AFF2: variants seen among roughly 807,000 people sequenced by gnomAD.
AFF2 encodes ALF transcription elongation factor 2.
A neutral mutation model predicts 76.9 loss-of-function variants in AFF2; 14 were observed. That is an observed-to-expected ratio of 0.18 (90% confidence interval 0.12 to 0.28). AFF2 has a LOEUF of 0.28. Ranked by LOEUF, AFF2 falls within the 10% of genes least tolerant of loss-of-function variation. AFF2 has a pLI of 1.00. For synonymous variants in AFF2, 398 were observed against 366.7 expected (o/e 1.09, Z -0.98); for missense variants, 868 against 1,001.1 (o/e 0.87, Z 1.79).
intron 3 of AFF2, among the ~76,000 whole-genome samples, chrX:148,734,877 T>A (rs1262795472): frequency 2.7e-5 from 3 of 112,007 alleles, no homozygotes; most frequent in African/African-American, 9.7e-5. Flanking sequence ...TGAAAGATCA[T>A]CTAGCATGTC....
chrX:148,602,823 GT>G (rs11446506), intron 1 of AFF2, among the ~76,000 whole-genome samples: 26 of 100,982 alleles, frequency 2.6e-4, no homozygotes, highest in Admixed American at 3.3e-4. Flanking sequence ...CACTTCAAAA[GT>G]TTTTTTTTTT....
intron 1 of AFF2, among the ~76,000 whole-genome samples, chrX:148,645,898 G>C (rs1170400757): frequency 9.0e-6 from 1 of 111,653 alleles, no homozygotes; most frequent in Non-Finnish European, 1.9e-5. Flanking sequence ...CTCTTAATGA[G>C]CACAGTATAT....
At chrX:148,659,300 GA>G (rs2054282719) in intron 2 of AFF2, among the ~76,000 whole-genome samples, 1 of 112,353 alleles carries the variant, frequency 8.9e-6, no homozygotes, top group Non-Finnish European at 1.9e-5. Context: ...AGGACAAGAT[GA>G]ACCTCTTTTA....
At chrX:148,765,144 C>G (rs1395472752) in intron 3 of AFF2, among the ~76,000 whole-genome samples, 1 of 112,229 alleles carries the variant, frequency 8.9e-6, no homozygotes, top group Non-Finnish European at 1.9e-5. Flanking sequence ...CCTCGACCTC[C>G]CAAAGTGCTG....
At chrX:148,987,961 T>C (rs1329563866) in intron 20 of AFF2, among the ~76,000 whole-genome samples, 1 of 111,876 alleles carries the variant, frequency 8.9e-6, no homozygotes, top group African/African-American at 3.3e-5. Context: ...TCAATATAAT[T>C]ATTAGCTCCA....
intron 3 of AFF2, among the ~76,000 whole-genome samples, chrX:148,697,216 G>A (rs995970259): frequency 6.2e-5 from 7 of 112,361 alleles, no homozygotes; most frequent in Non-Finnish European, 9.4e-5. Flanking sequence ...CAGTGAGTCT[G>A]TACTCAAAGG....
At chrX:148,557,674 G>T (rs781877848) in intron 1 of AFF2, among the ~76,000 whole-genome samples, 50 of 112,286 alleles carry the variant, frequency 4.5e-4, no homozygotes, top group African/African-American at 1.6e-3. Flanking sequence ...TTCTAACTTT[G>T]GGGGAGACAT....
chrX:148,500,876 G>T lies in AFF2; in HGVS notation c.-222G>T. ...AGCGGACCCGAGTGGGCGACCAGGC[G>T]CTTGCCCGCCCAGTGCCACTGCCGC... On this transcript the variant is annotated 5_prime_UTR_variant, in exon 1 of 21. Transcript: ENST00000370460. 1 of 357,457 alleles carries T rather than the reference G, an allele frequency of 2.8e-6. No individual in the cohort carries two copies. The highest frequency in any genetic ancestry group is 4.7e-6 in the Non-Finnish European group (1 of 213,955). The allele number at this position is 357,457 out of a possible 1,213,427, so 29.5% of individuals were successfully genotyped here. A position where few individuals can be genotyped will look rare whatever the true frequency, so the allele number is the denominator to read the frequency against.
At chrX:148,987,094 T>C (rs781914302) in intron 19 of AFF2, among the ~76,000 whole-genome samples, 36 of 110,830 alleles carry the variant, frequency 3.2e-4, no homozygotes, top group African/African-American at 1.1e-3. Context: ...TATGGGGTGG[T>C]AATAATCTCT....
At chrX:148,952,998 C>T (rs2071987896) in intron 9 of AFF2, among the ~76,000 whole-genome samples, 1 of 110,922 alleles carries the variant, frequency 9.0e-6, no homozygotes, top group Non-Finnish European at 1.9e-5. Flanking sequence ...AGCTGGGGGG[C>T]CAGGGTCCTA....
intron 3 of AFF2, among the ~76,000 whole-genome samples, chrX:148,740,288 T>A (rs2055335840): frequency 8.9e-6 from 1 of 112,200 alleles, no homozygotes; most frequent in South Asian, 3.7e-4. Flanking sequence ...ACACTGATTA[T>A]TCTTAGGTTC....
At chrX:148,535,935 C>T (rs782221855) in intron 1 of AFF2, among the ~76,000 whole-genome samples, 2 of 112,105 alleles carry the variant, frequency 1.8e-5, no homozygotes, top group African/African-American at 6.5e-5. Context: ...TAGAGTGCCC[C>T]CCTCATTCCC....
intron 3 of AFF2, among the ~76,000 whole-genome samples, chrX:148,696,030 TCTTTC>T (rs1316214231): frequency 8.9e-6 from 1 of 112,102 alleles, no homozygotes; most frequent in Non-Finnish European, 1.9e-5. Flanking sequence ...AAGAAACAAA[TCTTTC>T]CTTTCAAGAA....
At chrX:148,764,318 T>C (rs2069486141) in intron 3 of AFF2, among the ~76,000 whole-genome samples, 1 of 112,407 alleles carries the variant, frequency 8.9e-6, no homozygotes, top group Non-Finnish European at 1.9e-5. Context: ...ACACTTATGC[T>C]GACTTTTCTC....
chrX:148,647,761 G>A (rs1213808606), intron 1 of AFF2, among the ~76,000 whole-genome samples: 1 of 110,910 alleles, frequency 9.0e-6, no homozygotes, highest in Non-Finnish European at 1.9e-5. Context: ...CAAACCCGCT[G>A]TGAGGCCCAT....
chrX:148,516,020 G>A (rs1444539051), intron 1 of AFF2, among the ~76,000 whole-genome samples: 1 of 112,029 alleles, frequency 8.9e-6, no homozygotes, highest in African/African-American at 3.2e-5. Context: ...GGGCAAAGAA[G>A]CCTTCTTTGA....
chrX:148,708,569 G>A (rs1263422724), intron 3 of AFF2, among the ~76,000 whole-genome samples: 1 of 111,880 alleles, frequency 8.9e-6, no homozygotes, highest in Non-Finnish European at 1.9e-5. Context: ...AAGATTTCAT[G>A]GGTCAACTTG....
intron 3 of AFF2, among the ~76,000 whole-genome samples, chrX:148,787,980 G>A (rs182794648): frequency 3.2e-4 from 36 of 112,253 alleles, no homozygotes; most frequent in Non-Finnish European, 6.0e-4. Flanking sequence ...AAAAGATACA[G>A]TAGCACATTT....
chrX:148,620,968 T>A (rs926585922), intron 1 of AFF2, among the ~76,000 whole-genome samples: 84 of 111,990 alleles, frequency 7.5e-4, no homozygotes, highest in Admixed American at 1.9e-3. Context: ...AACTCTCAGA[T>A]AGCAAAATGA....
Sources: allele counts gnomAD v4.1 joint callset (sites outside exome capture counted in the v4.1 genomes callset), GRCh38; gene constraint gnomAD v4.1.1; transcripts MANE v1.5; gene names NCBI Gene and HGNC (gene_info 2026-07-23, HGNC 2026-07-21).